The following TXNRD1 variants were observed in gnomAD, a reference collection of about 807,000 sequenced individuals.
TXNRD1 encodes the protein thioredoxin reductase 1, cytoplasmic.
Under a neutral mutation model 80.3 loss-of-function variants are expected in TXNRD1, and 57 were observed. The observed-to-expected ratio is 0.71, with a 90% CI of 0.57 to 0.89. The LOEUF is 0.89. Ranked by LOEUF, TXNRD1 falls within the 40% of genes least tolerant of loss-of-function variation. The probability of loss-of-function intolerance (pLI) is 0.00; values close to 1 mark genes in which losing one functional copy is unlikely to be tolerated. For missense variants in TXNRD1, 730 were observed against 803.0 expected (o/e 0.91, Z 1.10); for synonymous variants, 291 against 285.2 (o/e 1.02, Z -0.20).
At chr12:104,279,047 C>T (rs570991064) in intron 3 of TXNRD1, among the ~76,000 whole-genome samples, 1 of 152,276 alleles carries the variant, frequency 6.6e-6, no homozygotes, top group East Asian at 1.9e-4. Flanking sequence ...GGTCCCTGCT[C>T]ACATGTGGCT....
intron 3 of TXNRD1, chr12:104,285,885 A>T (rs1461318690): frequency 6.6e-6 from 1 of 152,056 alleles, no homozygotes; most frequent in Non-Finnish European, 1.5e-5. Flanking sequence ...TGTTCTAGGG[A>T]CTCCAGAATC....
intron 15 of TXNRD1, among the ~76,000 whole-genome samples, chr12:104,336,492 T>A (rs899145168): frequency 6.6e-6 from 1 of 152,234 alleles, no homozygotes; most frequent in Non-Finnish European, 1.5e-5. Flanking sequence ...GACTTCAGTG[T>A]CTAAATGTCC....
At chr12:104,241,064 G>A (rs960075247) in intron 1 of TXNRD1, among the ~76,000 whole-genome samples, 2 of 147,990 alleles carry the variant, frequency 1.4e-5, no homozygotes, top group African/African-American at 5.0e-5. Context: ...TTTTGAGACA[G>A]AGTCTCACTC....
At chr12:104,291,046 C>T (rs995732705) in intron 4 of TXNRD1, 12 of 686,078 alleles carry the variant, frequency 1.7e-5, no homozygotes, top group Admixed American at 8.5e-5. Flanking sequence ...TGGGCTCAAG[C>T]GATCATCCGG....
chr12:104,328,151 C>T (rs1019367807), intron 13 of TXNRD1, among the ~76,000 whole-genome samples: 19 of 144,326 alleles, frequency 1.3e-4, no homozygotes, highest in South Asian at 2.2e-4. Flanking sequence ...GGCTACAGAG[C>T]GAGACTCCAT....
intron 13 of TXNRD1, among the ~76,000 whole-genome samples, chr12:104,328,790 T>C (rs553795428): frequency 2.7e-4 from 41 of 151,178 alleles, no homozygotes; most frequent in South Asian, 2.3e-3. Context: ...GGAAAATATC[T>C]GTTTTAGGAT....
At chr12:104,338,877 C>A (rs374672759) in intron 15 of TXNRD1, among the ~76,000 whole-genome samples, 3 of 151,832 alleles carry the variant, frequency 2.0e-5, no homozygotes, top group African/African-American at 7.3e-5. Flanking sequence ...CCACCACGCC[C>A]GGCTAATTTT....
At chr12:104,249,515 C>G (rs1034439871) in intron 1 of TXNRD1, among the ~76,000 whole-genome samples, 1 of 152,006 alleles carries the variant, frequency 6.6e-6, no homozygotes, top group South Asian at 2.1e-4. Context: ...TGGTTGTTGA[C>G]CCTGTCTTGA....
At chr12:104,261,109 G>T (rs920171368) in intron 3 of TXNRD1, among the ~76,000 whole-genome samples, 6 of 151,616 alleles carry the variant, frequency 4.0e-5, no homozygotes, top group African/African-American at 1.5e-4. Context: ...ATTGGATTAT[G>T]AATTGACTTT....
intron 4 of TXNRD1, among the ~76,000 whole-genome samples, chr12:104,297,873 CT>C (rs1329393479): frequency 6.6e-6 from 1 of 152,210 alleles, no homozygotes; most frequent in Non-Finnish European, 1.5e-5. Context: ...AATAACACTC[CT>C]AGTCATTGCT....
At chr12:104,288,792 A>T in intron 3 of TXNRD1, 139 bp from the exon 4 acceptor site, 1 of 1,572,534 alleles carries the variant, frequency 6.4e-7, no homozygotes, top group East Asian at 2.3e-5. Flanking sequence ...GCAGCAAGTC[A>T]TGCTAACTTG....
In TXNRD1 at chr12:104,238,038, A is replaced by G. The variant is rs1271500428; in HGVS notation, c.92-13489A>G. Among the ~76,000 whole-genome samples the G allele has an allele frequency of 2.0e-5, 3 of 152,186 alleles. 1 individual carries two copies. Among genetic ancestry groups the G allele is most frequent in the African/African-American group, 7.2e-5 (3 of 41,450 alleles). On this transcript the variant is annotated intron_variant, in intron 1 of 16. Transcript: ENST00000525566. ...AAAAAAAAGAAAAAAAGAAAAAAGA[A>G]AAATAAACGCTTAAATAAAAAATTT... is the stretch of plus-strand genomic sequence containing the variant.
intron 16 of TXNRD1, among the ~76,000 whole-genome samples, chr12:104,341,810 G>T (rs1048305736): frequency 6.6e-6 from 1 of 152,170 alleles, no homozygotes; most frequent in South Asian, 2.1e-4. Context: ...CACTGCAGAG[G>T]CCAGTGTCAA....
chr12:104,236,769 CAA>C (rs778542999), intron 1 of TXNRD1, among the ~76,000 whole-genome samples: 2 of 96,706 alleles, frequency 2.1e-5, no homozygotes, highest in Non-Finnish European at 3.9e-5. Flanking sequence ...GCCTGGGCAA[CAA>C]GAGTGAAAAC....
chr12:104,336,236 C>T (rs868724881), intron 15 of TXNRD1, among the ~76,000 whole-genome samples: 1 of 152,100 alleles, frequency 6.6e-6, no homozygotes, highest in Non-Finnish European at 1.5e-5. Context: ...GCTCTTTTTT[C>T]AATGTTACAT....
chr12:104,284,603 G>A (rs1322360393), intron 3 of TXNRD1, among the ~76,000 whole-genome samples: 1 of 152,194 alleles, frequency 6.6e-6, no homozygotes, highest in African/African-American at 2.4e-5. Flanking sequence ...CATTTTCTGA[G>A]TACCTACTAT....
At chr12:104,311,080 G>A (rs1035468615) in intron 4 of TXNRD1, among the ~76,000 whole-genome samples, 1 of 152,190 alleles carries the variant, frequency 6.6e-6, no homozygotes, top group South Asian at 2.1e-4. Context: ...AGTTAGCAGT[G>A]ACCGTCTTTG....
At chr12:104,267,903 G>A (rs1176789151) in intron 3 of TXNRD1, among the ~76,000 whole-genome samples, 4 of 147,438 alleles carry the variant, frequency 2.7e-5, no homozygotes. Flanking sequence ...TGGCTGGAGT[G>A]CAATGGCGTA....
chr12:104,256,776 C>CAAAA (rs71069738), intron 2 of TXNRD1, among the ~76,000 whole-genome samples: 12 of 119,030 alleles, frequency 1.0e-4, no homozygotes, highest in African/African-American at 3.3e-4. Context: ...GACTCTGTCT[C>CAAAA]AAAAAAAAAA....
Sources: allele counts gnomAD v4.1 joint callset (sites outside exome capture counted in the v4.1 genomes callset), GRCh38; gene constraint gnomAD v4.1.1; transcripts MANE v1.5; gene names NCBI Gene and HGNC (gene_info 2026-07-23, HGNC 2026-07-21).